TIAM1: variants seen among roughly 807,000 people sequenced by gnomAD.
The protein encoded by TIAM1 is TIAM Rac1 associated GEF 1.
TIAM1 carries 65 observed loss-of-function variants against 163.5 expected under a neutral mutation model. The observed-to-expected ratio is 0.40, with a 90% CI of 0.33 to 0.49. The LOEUF is 0.49. TIAM1 is among the 20% of genes least tolerant of loss of function. The probability of loss-of-function intolerance (pLI) is 0.77; values close to 1 mark genes in which losing one functional copy is unlikely to be tolerated. For missense variants in TIAM1, 1,789 were observed against 2,044.7 expected (o/e 0.87, Z 2.41); for synonymous variants, 833 against 810.1 (o/e 1.03, Z -0.48).
chr21:31,365,665 C>T (rs1449099373), intron 2 of TIAM1, among the ~76,000 whole-genome samples: 4 of 151,780 alleles, frequency 2.6e-5, no homozygotes, highest in African/African-American at 9.7e-5. Flanking sequence ...TGCGGGATTA[C>T]AGGCGTGAGC....
At chr21:31,194,500 C>A (rs2085752953) in intron 13 of TIAM1, among the ~76,000 whole-genome samples, 1 of 152,128 alleles carries the variant, frequency 6.6e-6, no homozygotes, top group African/African-American at 2.4e-5. Flanking sequence ...TCCTACATTA[C>A]TAAGGTACAT....
rs531687355 is a variant in TIAM1, at chr21:31,261,652, G to A, written c.963+4358C>T. On this transcript the variant is annotated intron_variant, in intron 4 of 27. Transcript: ENST00000541036. ...CGCTTGAACCTGGGAGGCAGAGGTT[G>A]CAGTGAGCTGAGACCGTGCCACTGC... 2.0e-5 allele frequency among the ~76,000 whole-genome samples: 3 copies of A among 152,318 alleles called. No individual in the cohort carries two copies. The South Asian group carries it at 6.2e-4, about 32-fold the overall frequency.
chr21:31,332,324 A>T (rs965223630), intron 2 of TIAM1, among the ~76,000 whole-genome samples: 2 of 152,184 alleles, frequency 1.3e-5, no homozygotes, highest in Admixed American at 1.3e-4. Flanking sequence ...CATAATATCC[A>T]TATTACAGGC....
At chr21:31,391,789 A>G (rs2076969375) in intron 2 of TIAM1, among the ~76,000 whole-genome samples, 1 of 152,218 alleles carries the variant, frequency 6.6e-6, no homozygotes, top group Non-Finnish European at 1.5e-5. Context: ...TCCACCAAAA[A>G]GAGACCATGA....
intron 3 of TIAM1, among the ~76,000 whole-genome samples, chr21:31,275,980 A>G (rs1354169058): frequency 6.6e-6 from 1 of 152,232 alleles, no homozygotes; most frequent in Non-Finnish European, 1.5e-5. Context: ...ACTTGAAAAC[A>G]GGCCTCCAAA....
chr21:31,495,478 T>C (rs73197647), intron 1 of TIAM1, among the ~76,000 whole-genome samples: 1 of 152,298 alleles, frequency 6.6e-6, no homozygotes, highest in Non-Finnish European at 1.5e-5. Flanking sequence ...CTTAATGCCA[T>C]TCACGACAGA....
At chr21:31,186,514 C>T (rs1385693751) in intron 14 of TIAM1, among the ~76,000 whole-genome samples, 1 of 152,020 alleles carries the variant, frequency 6.6e-6, no homozygotes, top group Non-Finnish European at 1.5e-5. Flanking sequence ...GTTTAAAATC[C>T]AAAAATGAGT....
At chr21:31,183,629 G>A (rs934587856) in intron 14 of TIAM1, among the ~76,000 whole-genome samples, 6 of 151,956 alleles carry the variant, frequency 3.9e-5, no homozygotes, top group South Asian at 4.2e-4. Context: ...AGAAGTTCTC[G>A]CTTCCCAGCT....
chr21:31,475,735 C>T (rs1424860047), intron 1 of TIAM1, among the ~76,000 whole-genome samples: 1 of 152,204 alleles, frequency 6.6e-6, no homozygotes, highest in African/African-American at 2.4e-5. Flanking sequence ...CATTTTCCAC[C>T]CATGGCCCAG....
intron 8 of TIAM1, among the ~76,000 whole-genome samples, chr21:31,220,246 G>T (rs750339279): frequency 1.3e-5 from 2 of 152,188 alleles, no homozygotes; most frequent in Non-Finnish European, 2.9e-5. Context: ...TCTCCCACAA[G>T]AATATAAGCT....
At chr21:31,474,288 C>A (rs141563518) in intron 1 of TIAM1, among the ~76,000 whole-genome samples, 126 of 152,228 alleles carry the variant, frequency 8.3e-4, no homozygotes, top group African/African-American at 2.9e-3. Context: ...GAATATTAAA[C>A]CAATTAGGGT....
intron 2 of TIAM1, among the ~76,000 whole-genome samples, chr21:31,423,331 C>T (rs1236332157): frequency 6.6e-6 from 1 of 151,966 alleles, no homozygotes; most frequent in Non-Finnish European, 1.5e-5. Context: ...ATCTCCTGAC[C>T]TCATGATCCC....
intron 15 of TIAM1, among the ~76,000 whole-genome samples, chr21:31,175,318 G>T (rs1042365533): frequency 6.6e-6 from 1 of 152,132 alleles, no homozygotes; most frequent in Non-Finnish European, 1.5e-5. Flanking sequence ...GCCCCAACTG[G>T]TCAAGTGGAA....
At chr21:31,164,905 T>C in intron 16 of TIAM1, 57 bp downstream of exon 16, 3 of 1,547,724 alleles carry the variant, frequency 1.9e-6, no homozygotes, top group Non-Finnish European at 2.7e-6. Context: ...GGTGACATTG[T>C]CAGCTGTGAT....
At chr21:31,307,318 G>A (rs1413500086) in intron 2 of TIAM1, among the ~76,000 whole-genome samples, 1 of 152,074 alleles carries the variant, frequency 6.6e-6, no homozygotes, top group South Asian at 2.1e-4. Flanking sequence ...CAAATTCAGG[G>A]CTTTGCTCTG....
At chr21:31,514,028 G>T (rs1002402999) in intron 1 of TIAM1, among the ~76,000 whole-genome samples, 2 of 151,848 alleles carry the variant, frequency 1.3e-5, no homozygotes, top group African/African-American at 4.8e-5. Flanking sequence ...TAATAATAAG[G>T]TTCTGGCACA....
chr21:31,127,215 CA>C, intron 25 of TIAM1, 63 bp from the exon 26 acceptor site: 1 of 1,506,856 alleles, frequency 6.6e-7, no homozygotes, highest in Non-Finnish European at 9.2e-7. Flanking sequence ...TACATGTTTG[CA>C]AAAGCATTTT....
At chr21:31,214,627 C>A (rs189075149) in intron 9 of TIAM1, among the ~76,000 whole-genome samples, 1 of 151,814 alleles carries the variant, frequency 6.6e-6, no homozygotes, top group East Asian at 1.9e-4. Context: ...CTTAAAGATG[C>A]CATGAAAATT....
intron 4 of TIAM1, among the ~76,000 whole-genome samples, chr21:31,259,194 T>C (rs762225490): frequency 7.5e-5 from 11 of 147,266 alleles, no homozygotes; most frequent in Non-Finnish European, 1.5e-4. Flanking sequence ...TGGAATACAG[T>C]GACATGATCA....
Sources: allele counts gnomAD v4.1 joint callset (sites outside exome capture counted in the v4.1 genomes callset), GRCh38; gene constraint gnomAD v4.1.1; transcripts MANE v1.5; gene names NCBI Gene and HGNC (gene_info 2026-07-23, HGNC 2026-07-21).